Variants in ANKRD12 observed in about 807,000 individuals in gnomAD.
ANKRD12 encodes the protein ankyrin repeat domain 12.
Under a neutral mutation model 183.4 loss-of-function variants are expected in ANKRD12, and 85 were observed. The observed-to-expected ratio is 0.46, with a 90% CI of 0.39 to 0.56. The LOEUF (loss-of-function observed/expected upper bound fraction) is 0.56, where lower values mean the gene tolerates loss of function less well. ANKRD12 is among the 20% of genes least tolerant of loss of function. The pLI is 0.00. For synonymous variants in ANKRD12, 914 were observed against 800.2 expected (o/e 1.14, Z -2.40); for missense variants, 2,405 against 2,357.1 (o/e 1.02, Z -0.42).
intron 8 of ANKRD12, among the ~76,000 whole-genome samples, chr18:9,225,955 T>TGG (rs34086097): frequency 0.037 from 5,657 of 152,258 alleles, 344 homozygotes; most frequent in East Asian, 0.29. Flanking sequence ...TATTATTTTT[T>TGG]GATATGTTTT....
chr18:9,230,967 C>T (rs1263829393), intron 8 of ANKRD12, among the ~76,000 whole-genome samples: 1 of 151,948 alleles, frequency 6.6e-6, no homozygotes, highest in Non-Finnish European at 1.5e-5. Context: ...CATGCCTGGC[C>T]TCCACTTTCA....
intron 2 of ANKRD12, among the ~76,000 whole-genome samples, chr18:9,182,769 A>G (rs1598478600): frequency 6.6e-6 from 1 of 152,262 alleles, no homozygotes; most frequent in East Asian, 1.9e-4. Flanking sequence ...TGAGAGAGGG[A>G]AAAATTTTTA....
At chr18:9,260,919 A>G (rs2038927596) in intron 9 of ANKRD12, among the ~76,000 whole-genome samples, 1 of 152,170 alleles carries the variant, frequency 6.6e-6, no homozygotes, top group Non-Finnish European at 1.5e-5. Context: ...GTAAGTCAGC[A>G]CTGAGCTGAA....
Position 9,259,053 on chromosome 18 carries a change from T to C in ANKRD12, c.5664+122T>C, listed in dbSNP as rs555481090. The C allele has an allele frequency of 8.6e-5, 98 of 1,143,730 alleles. No individual in the cohort carries two copies. The South Asian group carries it at 1.7e-3, about 20-fold the overall frequency. The allele number at this position is 1,143,730 out of a possible 1,614,324, so 70.8% of individuals were successfully genotyped here. A position where few individuals can be genotyped will look rare whatever the true frequency, so the allele number is the denominator to read the frequency against. Reference sequence around the variant, plus strand: ...TAATTTCAGCAAAATAATCTGTCAGTGAGTCGAGATATAAAGCTAGTAACG... The same window carrying C: ...TAATTTCAGCAAAATAATCTGTCAGCGAGTCGAGATATAAAGCTAGTAACG... On this transcript the variant is annotated intron_variant, in intron 9 of 12. Coordinates refer to ENST00000262126, the MANE Select transcript of ANKRD12 (RefSeq NM_015208.5).
intron 9 of ANKRD12, chr18:9,260,188 T>C (rs755615255): frequency 2.6e-5 from 4 of 152,196 alleles, no homozygotes; most frequent in Non-Finnish European, 4.4e-5. Flanking sequence ...GCCAACTAAT[T>C]GCCATTTTAT....
At chr18:9,217,636 A>T (rs758228580) in intron 7 of ANKRD12, among the ~76,000 whole-genome samples, 1 of 152,188 alleles carries the variant, frequency 6.6e-6, no homozygotes, top group African/African-American at 2.4e-5. Context: ...AATGTAGCCT[A>T]TAATTTTTTA....
chr18:9,224,200 A>T (rs1002325628), intron 8 of ANKRD12, among the ~76,000 whole-genome samples: 2 of 152,132 alleles, frequency 1.3e-5, no homozygotes, highest in African/African-American at 2.4e-5. Flanking sequence ...AAGTTATAAA[A>T]TTTTTTTCAG....
At chr18:9,177,815 G>A (rs1048388936) in intron 1 of ANKRD12, among the ~76,000 whole-genome samples, 2 of 152,050 alleles carry the variant, frequency 1.3e-5, no homozygotes, top group Non-Finnish European at 2.9e-5. Context: ...TCTCACATAT[G>A]AGTGAGAACA....
rs554515989 is a variant in ANKRD12 at position 9,184,063 on chromosome 18, A to G, written c.87+1544A>G. Among the ~76,000 whole-genome samples the G allele has an allele frequency of 5.9e-5, 9 of 152,348 alleles. No homozygotes were observed. In the South Asian group the frequency reaches 1.9e-3, roughly 32 times the overall value. On this transcript the variant is annotated intron_variant, in intron 2 of 12. Transcript: ENST00000262126. ...TATTGACACAATTCCAGTAAAATAT[A>G]GCAGCTTTGCTTCAATATAGCTCCA...
intron 7 of ANKRD12, 105 bp downstream of exon 7, chr18:9,217,005 C>T (rs1205894272): frequency 5.7e-6 from 6 of 1,056,792 alleles, no homozygotes; most frequent in Non-Finnish European, 8.1e-6. Context: ...TCATATTCCA[C>T]TCATTGCTTG....
rs1296837877 is a variant in ANKRD12 at position 9,255,190 on chromosome 18, A to G, written c.1923A>G (p.Lys641=). 1 of 1,587,162 alleles carries G rather than the reference A, an allele frequency of 6.3e-7. No individual in the cohort carries two copies. Among genetic ancestry groups the G allele is most frequent in the Non-Finnish European group, 8.5e-7 (1 of 1,172,650 alleles). ...PTFENSDCTL[K]KMDKEGKTLK... is the part of the protein sequence containing the mutation. ...TTGAAAATTCAGATTGCACACTGAA[A>G]AAAATGGATAAAGAAGGTAAAACAT... is the stretch of plus-strand genomic sequence containing the variant. Residue 641 remains lysine, a synonymous_variant, in exon 9 of 13, where the codon AAA becomes AAG. Coordinates refer to ENST00000262126, the MANE Select transcript of ANKRD12 (RefSeq NM_015208.5).
Position 9,136,945 on chromosome 18 carries a change from C to T in ANKRD12, c.-72C>T, listed in dbSNP as rs1367349357. 6.6e-6 allele frequency: 1 copy of T among 152,266 alleles called. No homozygotes were observed. The highest frequency in any genetic ancestry group is 2.4e-5 in the African/African-American group (1 of 41,432). 9.4% of individuals were successfully genotyped at this position (152,266 alleles called of 1,614,324 possible). Reference sequence around the variant, plus strand: ...AGCACTCGTTCCGGGGGTGAAGCCTCCTGCGCCGGCCTTGCCTCGGGTCCG... The same window carrying T: ...AGCACTCGTTCCGGGGGTGAAGCCTTCTGCGCCGGCCTTGCCTCGGGTCCG... On this transcript the variant is annotated 5_prime_UTR_variant, in exon 1 of 13. Coordinates refer to ENST00000262126, the MANE Select transcript of ANKRD12 (RefSeq NM_015208.5).
intron 1 of ANKRD12, among the ~76,000 whole-genome samples, chr18:9,140,892 A>C (rs2078290465): frequency 6.6e-6 from 1 of 152,184 alleles, no homozygotes; most frequent in African/African-American, 2.4e-5. Context: ...GTTTTAAGTG[A>C]AACATTTCAG....
chr18:9,153,113 C>T (rs776224351), intron 1 of ANKRD12, among the ~76,000 whole-genome samples: 1 of 152,164 alleles, frequency 6.6e-6, no homozygotes, highest in Non-Finnish European at 1.5e-5. Context: ...GAATTACAGG[C>T]GTGAGCCACT....
chr18:9,175,720 G>A (rs534619564), intron 1 of ANKRD12, among the ~76,000 whole-genome samples: 1 of 151,614 alleles, frequency 6.6e-6, no homozygotes, highest in African/African-American at 2.4e-5. Context: ...TAGAGATGGG[G>A]TTTCACCATG....
rs114230285 is a variant in ANKRD12 at position 9,255,473 on chromosome 18, A to G, written c.2206A>G (p.Thr736Ala). Reference sequence around the variant, plus strand: ...AAAAAACATCAAAGATGATAAATCAACCAAGGAAAAGCATGTGTCAAAAGA... The same window carrying G: ...AAAAAACATCAAAGATGATAAATCAGCCAAGGAAAAGCATGTGTCAAAAGA... The part of the protein sequence containing the change: ...LEKNIKDDKS[T>A]KEKHVSKERN... The change falls in exon 9 of 13, where the codon ACC (threonine) becomes GCC (alanine). Residue 736 changes from threonine to alanine, a missense_variant. By Grantham distance (58) the Thr-to-Ala change is moderately conservative (BLOSUM62 0). Coordinates refer to ENST00000262126, the MANE Select transcript of ANKRD12 (RefSeq NM_015208.5). 8.9e-3 allele frequency: 13,917 copies of G among 1,569,824 alleles called. 84 individuals carry two copies. The highest frequency in any genetic ancestry group is 0.01 in the Non-Finnish European group (12,087 of 1,166,834).
chr18:9,201,758 CT>C (rs993835410), intron 3 of ANKRD12, among the ~76,000 whole-genome samples: 4 of 150,974 alleles, frequency 2.6e-5, no homozygotes, highest in African/African-American at 9.7e-5. Context: ...ATATCTTTCA[CT>C]TTTTTTCTTT....
Position 9,255,037 on chromosome 18 carries a change from C to T in ANKRD12, c.1770C>T (p.Phe590=), listed in dbSNP as rs199694208. Residue 590 remains phenylalanine, a synonymous_variant, in exon 9 of 13, where the codon TTC becomes TTT. Coordinates refer to ENST00000262126, the MANE Select transcript of ANKRD12 (RefSeq NM_015208.5). ...GGTATGATAATACAGAATCTGAATT[C>T]TTGCCAGAAAGTTCAAGTGTAAAAT... ...LVRYDNTESE[F]LPESSSVKSC... 7.6e-5 allele frequency: 121 copies of T among 1,594,212 alleles called. No individual in the cohort carries two copies. Among genetic ancestry groups the T allele is most frequent in the Non-Finnish European group, 1.0e-4 (119 of 1,173,140 alleles).
At chr18:9,150,143 T>A (rs8083078) in intron 1 of ANKRD12, among the ~76,000 whole-genome samples, 120,133 of 152,084 alleles carry the variant, frequency 0.79, 47,653 homozygotes, top group Middle Eastern at 0.88. Flanking sequence ...TCAGGCTCAG[T>A]TTCCCGAAAG....
Sources: allele counts gnomAD v4.1 joint callset (sites outside exome capture counted in the v4.1 genomes callset), GRCh38; gene constraint gnomAD v4.1.1; transcripts MANE v1.5; gene names NCBI Gene and HGNC (gene_info 2026-07-23, HGNC 2026-07-21).